Variants in MCTP2 observed in about 807,000 individuals in gnomAD.
The protein encoded by MCTP2 is multiple C2 and transmembrane domain-containing protein 2.
In MCTP2, 132 loss-of-function variants were observed where a neutral mutation model predicts 111.6. That is an observed-to-expected ratio of 1.18 (90% CI 1.03 to 1.37). MCTP2 has a LOEUF of 1.37. Ranked by LOEUF, MCTP2 falls within the 40% of genes most tolerant of loss-of-function variation. The pLI is 0.00. For missense variants in MCTP2, 1,183 were observed against 1,067.9 expected (o/e 1.11, Z -1.50); for synonymous variants, 395 against 387.7 (o/e 1.02, Z -0.22).
At chr15:94,320,797 C>G (rs1015729421) in intron 4 of MCTP2, among the ~76,000 whole-genome samples, 2 of 152,068 alleles carry the variant, frequency 1.3e-5, no homozygotes, top group Non-Finnish European at 2.9e-5. Flanking sequence ...AGCTTTAATT[C>G]AGGAAATGGA....
chr15:94,268,198 T>TG, intron 1 of MCTP2, among the ~76,000 whole-genome samples: 1 of 148,060 alleles, frequency 6.8e-6, no homozygotes, highest in African/African-American at 2.5e-5. Context: ...TTTTTTTTTT[T>TG]GAGACAGAGT....
At position 94,323,572 on chromosome 15, in the gene MCTP2, C is replaced by T. The variant is rs1302976113; in HGVS notation, c.637+7935C>T. On this transcript the variant is annotated intron_variant, in intron 4 of 22. Coordinates refer to ENST00000357742, the MANE Select transcript of MCTP2 (RefSeq NM_001385001.1). ...TTGGCATGTGGGCCTTCAGCCTTGACAATAGGAGGTCTGGTATTGGGGAGC... is the reference window on the plus strand; with the variant it reads ...TTGGCATGTGGGCCTTCAGCCTTGATAATAGGAGGTCTGGTATTGGGGAGC... 2.6e-5 allele frequency among the ~76,000 whole-genome samples: 4 copies of T among 152,132 alleles called. No individual in the cohort carries two copies. In the East Asian group the frequency reaches 7.7e-4, roughly 29 times the overall value.
At position 94,435,773 on chromosome 15, in the gene MCTP2, A is replaced by T. The variant is rs1305670232; in HGVS notation, c.2086-4403A>T. Among the ~76,000 whole-genome samples the T allele has an allele frequency of 2.2e-5, 3 of 137,710 alleles. 1 individual carries two copies. The highest frequency in any genetic ancestry group is 4.8e-5 in the Non-Finnish European group (3 of 62,424). The allele number at this position is 137,710 out of a possible 152,430, so 90.3% of individuals were successfully genotyped here. ...CAGCCTCCCGAGTAGCTGGGATTAC[A>T]GGCGCCCGCCACTACACCCGGCTAA... On this transcript the variant is annotated intron_variant, in intron 17 of 22. Transcript: ENST00000357742.
At position 94,458,303 on chromosome 15, in the gene MCTP2, G is replaced by A. The variant is rs780378446; in HGVS notation, c.2360+57G>A. 24 of 1,019,286 alleles carry A rather than the reference G, an allele frequency of 2.4e-5. No individual in the cohort carries two copies. The Admixed American group carries it at 3.6e-4, about 15-fold the overall frequency. The allele number at this position is 1,019,286 out of a possible 1,614,324, so 63.1% of individuals were successfully genotyped here. ...AGTAGACCTGCTATCCACAAGGACA[G>A]TGGGGTAATGGCAGTGGTGTGCGAC... On this transcript the variant is annotated intron_variant, in intron 20 of 22. Coordinates refer to ENST00000357742, the MANE Select transcript of MCTP2 (RefSeq NM_001385001.1).
chr15:94,400,410 A>G (rs926471778), intron 16 of MCTP2, among the ~76,000 whole-genome samples: 23 of 152,064 alleles, frequency 1.5e-4, no homozygotes, highest in African/African-American at 5.6e-4. Context: ...AACCCAGCAG[A>G]TCTTCAGAGA....
At chr15:94,320,121 A>C (rs2076558275) in intron 4 of MCTP2, among the ~76,000 whole-genome samples, 2 of 148,886 alleles carry the variant, frequency 1.3e-5, no homozygotes, top group South Asian at 2.2e-4. Flanking sequence ...CTGTATTAGG[A>C]GGGAGAATAG....
intron 4 of MCTP2, among the ~76,000 whole-genome samples, chr15:94,322,867 A>G (rs1235008907): frequency 6.6e-6 from 1 of 152,182 alleles, no homozygotes; most frequent in Non-Finnish European, 1.5e-5. Context: ...CACAAACCCC[A>G]AGAAAGGATG....
At chr15:94,312,264 C>T (rs1460812823) in intron 2 of MCTP2, among the ~76,000 whole-genome samples, 2 of 152,124 alleles carry the variant, frequency 1.3e-5, no homozygotes. Flanking sequence ...AAAACACATA[C>T]AAATAAATCT....
chr15:94,352,252 G>A (rs965019835), intron 8 of MCTP2, among the ~76,000 whole-genome samples: 4 of 152,180 alleles, frequency 2.6e-5, no homozygotes, highest in African/African-American at 9.7e-5. Flanking sequence ...TCCTGCCTCG[G>A]GATGGTCTTG....
chr15:94,469,624 TTGGGAGGTCA>T, intron 20 of MCTP2, among the ~76,000 whole-genome samples: 1 of 152,182 alleles, frequency 6.6e-6, no homozygotes, highest in East Asian at 1.9e-4. Context: ...TCCCAGCACT[TTGGGAGGTCA>T]AGGCAGGAGA....
At chr15:94,236,434 G>A (rs945417531) in intron 1 of MCTP2, among the ~76,000 whole-genome samples, 5 of 127,140 alleles carry the variant, frequency 3.9e-5, no homozygotes, top group Non-Finnish European at 7.8e-5. Flanking sequence ...GTCAAGCAGC[G>A]TGAGTAAGAA....
Position 94,479,598 on chromosome 15 carries a change from A to G in MCTP2, c.*564A>G, listed in dbSNP as rs2074624644. Reference sequence around the variant, plus strand: ...TCAAACCTTTAGGGATCTTTCAGCCATGATTATTAAGGATATGTATGTGAA... The same window carrying G: ...TCAAACCTTTAGGGATCTTTCAGCCGTGATTATTAAGGATATGTATGTGAA... On this transcript the variant is annotated 3_prime_UTR_variant, in exon 23 of 23. Transcript: ENST00000357742. 6.5e-6 allele frequency: 1 copy of G among 152,856 alleles called. No individual in the cohort carries two copies. Among genetic ancestry groups the G allele is most frequent in the South Asian group, 2.1e-4 (1 of 4,860 alleles). 9.5% of individuals were successfully genotyped at this position (152,856 alleles called of 1,614,324 possible).
intron 12 of MCTP2, among the ~76,000 whole-genome samples, chr15:94,381,610 G>C (rs2080142149): frequency 1.3e-5 from 2 of 152,366 alleles, no homozygotes; most frequent in South Asian, 4.1e-4. Flanking sequence ...TTTCCCTGGA[G>C]CAACTGCTGA....
chr15:94,245,035 T>A (rs921281723), intron 1 of MCTP2, among the ~76,000 whole-genome samples: 1 of 142,900 alleles, frequency 7.0e-6, no homozygotes, highest in Non-Finnish European at 1.5e-5. Flanking sequence ...CCTATGTTTA[T>A]ATACGTATAT....
intron 21 of MCTP2, among the ~76,000 whole-genome samples, chr15:94,474,183 G>A (rs925750183): frequency 6.6e-6 from 1 of 152,086 alleles, no homozygotes; most frequent in Non-Finnish European, 1.5e-5. Flanking sequence ...TCTAAGGTAT[G>A]TTTAGCATGC....
intron 20 of MCTP2, among the ~76,000 whole-genome samples, chr15:94,460,786 G>A (rs1458949766): frequency 6.6e-6 from 1 of 152,204 alleles, no homozygotes; most frequent in African/African-American, 2.4e-5. Context: ...GTTCTGCCCA[G>A]CTGCAGCACA....
At chr15:94,445,596 T>G (rs2084069727) in intron 19 of MCTP2, among the ~76,000 whole-genome samples, 1 of 152,180 alleles carries the variant, frequency 6.6e-6, no homozygotes, top group South Asian at 2.1e-4. Context: ...TTCTTCTCTG[T>G]GCAGATCAGC....
chr15:94,385,386 G>T (rs2080399820), intron 13 of MCTP2, 37 bp from the exon 14 acceptor site: 1 of 1,374,026 alleles, frequency 7.3e-7, no homozygotes. Flanking sequence ...CTTCACTTGT[G>T]TGTTTTTGTG....
chr15:94,347,191 C>T (rs1298188065), intron 8 of MCTP2, among the ~76,000 whole-genome samples: 1 of 152,110 alleles, frequency 6.6e-6, no homozygotes, highest in Admixed American at 6.5e-5. Context: ...AAATTAGTCA[C>T]ATGGAGACTA....
Sources: allele counts gnomAD v4.1 joint callset (sites outside exome capture counted in the v4.1 genomes callset), GRCh38; gene constraint gnomAD v4.1.1; transcripts MANE v1.5; gene names NCBI Gene and HGNC (gene_info 2026-07-23, HGNC 2026-07-21).